Variants in GDF15 observed in about 807,000 individuals in gnomAD.
GDF15 encodes growth/differentiation factor 15.
A neutral mutation model predicts 8.9 loss-of-function variants in GDF15; 10 were observed. The observed-to-expected ratio is 1.12, with a 90% confidence interval of 0.69 to 1.90. The LOEUF is 1.90. Ranked by LOEUF, GDF15 falls within the 40% of genes most tolerant of loss-of-function variation. The pLI, the probability that GDF15 is intolerant of heterozygous loss-of-function variation, is 0.00. For synonymous variants in GDF15, 228 were observed against 210.6 expected (o/e 1.08, Z -0.72); for missense variants, 452 against 434.2 (o/e 1.04, Z -0.36).
In GDF15 at chr19:18,389,051, T is replaced by G; in HGVS notation, c.*116T>G. ...CCGATTCCTGCCCAAACAGCTGTAT[T>G]TATATAAGTCTGTTATTTATTATTA... On this transcript the variant is annotated 3_prime_UTR_variant, in exon 2 of 2. Coordinates refer to ENST00000252809, the MANE Select transcript of GDF15 (RefSeq NM_004864.4). 1.5e-6 allele frequency: 1 copy of G among 658,754 alleles called. No individual in the cohort carries two copies. The highest frequency in any genetic ancestry group is 2.6e-6 in the Non-Finnish European group (1 of 387,598). 40.8% of individuals were successfully genotyped at this position (658,754 alleles called of 1,614,324 possible). A position where few individuals can be genotyped will look rare whatever the true frequency, so the allele number is the denominator to read the frequency against.
chr19:18,386,761 C>T (rs1000290705), intron 1 of GDF15: 9 of 448,018 alleles, frequency 2.0e-5, no homozygotes, highest in Non-Finnish European at 4.1e-6. Flanking sequence ...GGGACGGGGT[C>T]GGGCGTGCGG....
Position 18,388,683 on chromosome 19 carries a change from G to C in GDF15, c.675G>C (p.Trp225Cys). 2 of 1,607,602 alleles carry C rather than the reference G, an allele frequency of 1.2e-6. No homozygotes were observed. The highest frequency in any genetic ancestry group is 1.1e-5 in the South Asian group (1 of 90,968). ...TVRASLEDLG[W>C]ADWVLSPREV... ...GCGCGTCGCTGGAAGACCTGGGCTG[G>C]GCCGATTGGGTGCTGTCGCCACGGG... The change falls in exon 2 of 2, where the codon TGG becomes TGC. Residue 225 changes from tryptophan (W) to cysteine (C), a missense_variant. Trp to Cys is a radical substitution (Grantham distance 215). Coordinates refer to ENST00000252809, the MANE Select transcript of GDF15 (RefSeq NM_004864.4). This position sits in a 1 kb window ranked among gnomAD's most constrained non-coding sequence, Gnocchi z 4.2.
chr19:18,388,156 G>A lies in GDF15; in HGVS notation c.278-130G>A. On this transcript the variant is annotated intron_variant, in intron 1 of 1. Transcript: ENST00000252809. This position sits in a 1 kb window ranked among gnomAD's most constrained non-coding sequence, Gnocchi z 4.2. ...GCACGGAGAAATGCTCTTGGTAGGG[G>A]AAATAACTTGTGCAAAGGCGCCGCC... 2 of 771,752 alleles carry A rather than the reference G, an allele frequency of 2.6e-6. No homozygotes were observed. Among genetic ancestry groups the A allele is most frequent in the South Asian group, 1.8e-5 (1 of 55,906 alleles). The allele number at this position is 771,752 out of a possible 1,614,324, so 47.8% of individuals were successfully genotyped here. A position where few individuals can be genotyped will look rare whatever the true frequency, so the allele number is the denominator to read the frequency against.
In GDF15 at chr19:18,386,196, G is replaced by A. The variant is rs932237910; in HGVS notation, c.7G>A (p.Gly3Arg). The A allele has an allele frequency of 1.6e-5, 26 of 1,610,902 alleles. No individual in the cohort carries two copies. The highest frequency in any genetic ancestry group is 1.9e-5 in the Non-Finnish European group (22 of 1,178,950). ...AGCCGCAACCTGCACAGCCATGCCCGGGCAAGAACTCAGGACGGTGAATGG... is the reference window on the plus strand; with the variant it reads ...AGCCGCAACCTGCACAGCCATGCCCAGGCAAGAACTCAGGACGGTGAATGG... Reference protein sequence around the residue: MPGQELRTVNGSQ... With the variant: MPRQELRTVNGSQ... Residue 3 changes from glycine (G) to arginine (R), a missense_variant, in exon 1 of 2, where the codon GGG (glycine) becomes AGG (arginine). Transcript: ENST00000252809.
At position 18,388,457 on chromosome 19, in the gene GDF15, C is replaced by T. The variant is rs747695479; in HGVS notation, c.449C>T (p.Pro150Leu). Residue 150 changes from proline (P) to leucine (L), a missense_variant, in exon 2 of 2, where the codon CCC (proline) becomes CTC (leucine). Pro to Leu is a moderately conservative substitution (Grantham distance 98). Coordinates refer to ENST00000252809, the MANE Select transcript of GDF15 (RefSeq NM_004864.4). This position sits in a 1 kb window ranked among gnomAD's most constrained non-coding sequence, Gnocchi z 4.2. Reference protein sequence around the residue: ...PLRRQLSLARPQAPALHLRLS... With the variant: ...PLRRQLSLARLQAPALHLRLS... ...CGGCGTCAGCTCAGCCTTGCAAGAC[C>T]CCAGGCGCCCGCGCTGCACCTGCGA... 6 of 1,609,070 alleles carry T rather than the reference C, an allele frequency of 3.7e-6. No homozygotes were observed. Among genetic ancestry groups the T allele is most frequent in the Non-Finnish European group, 5.1e-6 (6 of 1,179,170 alleles).
At position 18,388,610 on chromosome 19, in the gene GDF15, ACCACTGT is replaced by A. The variant is rs1267707753; in HGVS notation, c.605_611del (p.His202ArgfsTer34). 6.3e-7 allele frequency: 1 copy of A among 1,599,716 alleles called. No homozygotes were observed. The highest frequency in any genetic ancestry group is 8.5e-7 in the Non-Finnish European group (1 of 1,176,364). On this transcript the variant is annotated frameshift_variant, in exon 2 of 2. Coordinates refer to ENST00000252809, the MANE Select transcript of GDF15 (RefSeq NM_004864.4). LOFTEE classifies it low-confidence loss of function (END_TRUNC). The surrounding 1 kb of genome is among the most constrained non-coding windows in gnomAD (Gnocchi z 4.2). ...CGCAGAGCGCGTGCGCGCAACGGGG[ACCACTGT>A]CCGCTCGGGCCCGGGCGTTGCTGCC...
At position 18,388,593 on chromosome 19, in the gene GDF15, G is replaced by C; in HGVS notation, c.585G>C (p.Ala195=). The change falls in exon 2 of 2, where the codon GCG becomes GCC. Residue 195 remains alanine (A), a synonymous_variant. Coordinates refer to ENST00000252809, the MANE Select transcript of GDF15 (RefSeq NM_004864.4). This position sits in a 1 kb window ranked among gnomAD's most constrained non-coding sequence, Gnocchi z 4.2. ...AAGCCGCCAGGGGGCGCCGCAGAGC[G>C]CGTGCGCGCAACGGGGACCACTGTC... ...RPQAARGRRR[A]RARNGDHCPL... is the part of the protein sequence containing the mutation. The C allele has an allele frequency of 6.2e-7, 1 of 1,600,932 alleles. No individual in the cohort carries two copies. Among genetic ancestry groups the C allele is most frequent in the Non-Finnish European group, 8.5e-7 (1 of 1,177,048 alleles).
At chr19:18,386,816 A>G (rs953523118) in intron 1 of GDF15, 37 of 291,354 alleles carry the variant, frequency 1.3e-4, no homozygotes, top group Non-Finnish European at 2.2e-4. Context: ...GATCCAAGAG[A>G]AACAATGGGG....
chr19:18,389,057 A>C lies in GDF15; in HGVS notation c.*122A>C. The C allele has an allele frequency of 1.6e-6, 1 of 628,274 alleles. No homozygotes were observed. The highest frequency in any genetic ancestry group is 2.7e-6 in the Non-Finnish European group (1 of 368,680). The allele number at this position is 628,274 out of a possible 1,614,324, so 38.9% of individuals were successfully genotyped here. A position where few individuals can be genotyped will look rare whatever the true frequency, so the allele number is the denominator to read the frequency against. On this transcript the variant is annotated 3_prime_UTR_variant, in exon 2 of 2. Transcript: ENST00000252809. ...CCTGCCCAAACAGCTGTATTTATAT[A>C]AGTCTGTTATTTATTATTAATTTAT... is the stretch of plus-strand genomic sequence containing the variant.
rs771321013 is a variant in GDF15 at position 18,386,373 on chromosome 19, G to A, written c.184G>A (p.Asp62Asn). The change falls in exon 1 of 2, where the codon GAC (aspartate) becomes AAC (asparagine). Residue 62 changes from aspartate (D) to asparagine (N), a missense_variant. Transcript: ENST00000252809. Reference sequence around the variant, plus strand: ...CCGAGAGTTGCGGAAACGCTACGAGGACCTGCTAACCAGGCTGCGGGCCAA... The same window carrying A: ...CCGAGAGTTGCGGAAACGCTACGAGAACCTGCTAACCAGGCTGCGGGCCAA... ...RFRELRKRYE[D>N]LLTRLRANQS... 3 of 1,613,942 alleles carry A rather than the reference G, an allele frequency of 1.9e-6. No individual in the cohort carries two copies. In the Admixed American group the frequency reaches 5.0e-5, roughly 27 times the overall value.
chr19:18,389,095 C>A lies in GDF15; in HGVS notation c.*160C>A. On this transcript the variant is annotated 3_prime_UTR_variant, in exon 2 of 2. Transcript: ENST00000252809. ...ATTATTAATTTATTGGGGTGACCTT[C>A]TTGGGGACTCGGGGGCTGGTCTGAT... 1 of 549,624 alleles carries A rather than the reference C, an allele frequency of 1.8e-6. No individual in the cohort carries two copies. Among genetic ancestry groups the A allele is most frequent in the Non-Finnish European group, 3.2e-6 (1 of 315,350 alleles). 34.0% of individuals were successfully genotyped at this position (549,624 alleles called of 1,614,324 possible).
Position 18,388,484 on chromosome 19 carries a change from T to TGTCGCCGCCGCC in GDF15, c.482_493dup (p.Pro161_Ser164dup). The TGTCGCCGCCGCC allele has an allele frequency of 6.2e-7, 1 of 1,605,298 alleles. No individual in the cohort carries two copies. The highest frequency in any genetic ancestry group is 1.7e-4 in the Middle Eastern group (1 of 6,052). On this transcript the variant is annotated inframe_insertion, in exon 2 of 2. Transcript: ENST00000252809. The surrounding 1 kb of genome is among the most constrained non-coding windows in gnomAD (Gnocchi z 4.2). ...CAGGCGCCCGCGCTGCACCTGCGACTGTCGCCGCCGCCGTCGCAGTCGGAC... is the reference window on the plus strand; with the variant it reads ...CAGGCGCCCGCGCTGCACCTGCGACTGTCGCCGCCGCCGTCGCCGCCGCCGTCGCAGTCGGAC...
rs77305894 is a variant in GDF15 at position 18,386,494 on chromosome 19, C to T, written c.277+28C>T. On this transcript the variant is annotated intron_variant, in intron 1 of 1. Transcript: ENST00000252809. ...AAGTGAAATCTTAGAGATCCCCTCC[C>T]ACCCCCCAAGCAGCCCCCATATCTA... 8.1e-4 allele frequency: 1,286 copies of T among 1,584,904 alleles called. 10 individuals are homozygous for T. The African/African-American group carries it at 0.014, about 17-fold the overall frequency.
chr19:18,387,813 C>CTTTTTGTTTTTTTTTTTTGTTTTTTTTT (rs1971848030), intron 1 of GDF15, among the ~76,000 whole-genome samples: 1 of 70,354 alleles, frequency 1.4e-5, no homozygotes, highest in African/African-American at 8.1e-5. Flanking sequence ...GAGAAATGCC[C>CTTTTTGTTTTTTTTTTTTGTTTTTTTTT]TTTTTTTTTT....
At position 18,388,784 on chromosome 19, in the gene GDF15, C is replaced by T; in HGVS notation, c.776C>T (p.Thr259Met). The change falls in exon 2 of 2, where the codon ACG becomes ATG. Residue 259 changes from threonine (T) to methionine (M), a missense_variant. Thr to Met is a moderately conservative substitution (Grantham distance 81). Transcript: ENST00000252809. The surrounding 1 kb of genome is among the most constrained non-coding windows in gnomAD (Gnocchi z 4.2). ...GCAAACATGCACGCGCAGATCAAGACGAGCCTGCACCGCCTGAAGCCCGAC... is the reference window on the plus strand; with the variant it reads ...GCAAACATGCACGCGCAGATCAAGATGAGCCTGCACCGCCTGAAGCCCGAC... ...RAANMHAQIKTSLHRLKPDTV... is the reference protein window; with the variant it reads ...RAANMHAQIKMSLHRLKPDTV... 5 of 1,610,326 alleles carry T rather than the reference C, an allele frequency of 3.1e-6. No homozygotes were observed. Among genetic ancestry groups the T allele is most frequent in the South Asian group, 2.2e-5 (2 of 91,042 alleles).
chr19:18,388,301 G>T lies in GDF15; in HGVS notation c.293G>T (p.Gly98Val), dbSNP rs1300768626. 1 of 1,610,262 alleles carries T rather than the reference G, an allele frequency of 6.2e-7. No homozygotes were observed. The highest frequency in any genetic ancestry group is 8.5e-7 in the Non-Finnish European group (1 of 1,179,662). The change falls in exon 2 of 2, where the codon GGC becomes GTC. Residue 98 changes from glycine to valine, a missense_variant. Physicochemically the swap from Gly to Val is moderately radical, Grantham distance 109. Coordinates refer to ENST00000252809, the MANE Select transcript of GDF15 (RefSeq NM_004864.4). The surrounding 1 kb of genome is among the most constrained non-coding windows in gnomAD (Gnocchi z 4.2). ...CTTCCCACAGTGCGGCTGGGATCCGGCGGCCACCTGCACCTGCGTATCTCT... is the reference window on the plus strand; with the variant it reads ...CTTCCCACAGTGCGGCTGGGATCCGTCGGCCACCTGCACCTGCGTATCTCT... ...ILTPEVRLGS[G>V]GHLHLRISRA...
Position 18,386,575 on chromosome 19 carries a change from C to G in GDF15, c.277+109C>G, listed in dbSNP as rs756589279. On this transcript the variant is annotated intron_variant, in intron 1 of 1. Transcript: ENST00000252809. ...ACCTACCTTTGAGCCTCAGTTGCCC[C>G]ATCTGTGCCCTGGGTAGGAATATCC... The G allele has an allele frequency of 5.5e-6, 5 of 914,452 alleles. No homozygotes were observed. The South Asian group carries it at 8.1e-5, about 15-fold the overall frequency. 56.6% of individuals were successfully genotyped at this position (914,452 alleles called of 1,614,324 possible). A position where few individuals can be genotyped will look rare whatever the true frequency, so the allele number is the denominator to read the frequency against.
chr19:18,386,464 A>G lies in GDF15; in HGVS notation c.275A>G (p.Glu92Gly), dbSNP rs769891685. The change falls in exon 1 of 2, where the codon GAA (glutamate) becomes GGA (glycine). Residue 92 changes from glutamate to glycine, a missense_variant and splice_region_variant. Physicochemically the swap from Glu to Gly is moderately conservative, Grantham distance 98 (BLOSUM62 -2). Transcript: ENST00000252809. ...CCTGCAGTCCGGATACTCACGCCAGAAGGTAAGTGAAATCTTAGAGATCCC... is the reference window on the plus strand; with the variant it reads ...CCTGCAGTCCGGATACTCACGCCAGGAGGTAAGTGAAATCTTAGAGATCCC... The part of the protein sequence containing the change: ...PAPAVRILTP[E>G]VRLGSGGHLH... 4 of 1,607,764 alleles carry G rather than the reference A, an allele frequency of 2.5e-6. No individual in the cohort carries two copies. The highest frequency in any genetic ancestry group is 3.4e-6 in the Non-Finnish European group (4 of 1,175,458).
Position 18,388,336 on chromosome 19 carries a change from C to A in GDF15, c.328C>A (p.Leu110Ile), listed in dbSNP as rs1332446576. The part of the protein sequence containing the change: ...HLHLRISRAA[L>I]PEGLPEASRL... ...GCACCTGCGTATCTCTCGGGCCGCC[C>A]TTCCCGAGGGGCTCCCCGAGGCCTC... Residue 110 changes from leucine to isoleucine, a missense_variant, in exon 2 of 2, where the codon CTT becomes ATT. Leu to Ile is a conservative substitution (Grantham distance 5). Coordinates refer to ENST00000252809, the MANE Select transcript of GDF15 (RefSeq NM_004864.4). This position sits in a 1 kb window ranked among gnomAD's most constrained non-coding sequence, Gnocchi z 4.2. 1.2e-6 allele frequency: 2 copies of A among 1,611,266 alleles called. No individual in the cohort carries two copies. Among genetic ancestry groups the A allele is most frequent in the Non-Finnish European group, 1.7e-6 (2 of 1,179,832 alleles).
Sources: allele counts gnomAD v4.1 joint callset (sites outside exome capture counted in the v4.1 genomes callset), GRCh38; gene constraint gnomAD v4.1.1; non-coding constraint Gnocchi (gnomAD v3.1); transcripts MANE v1.5; gene names NCBI Gene and HGNC (gene_info 2026-07-23, HGNC 2026-07-21).